SPART: variants seen among roughly 807,000 people sequenced by gnomAD.
The protein encoded by SPART is spartin, also known as spastic paraplegia 20 (Troyer syndrome).
Under a neutral mutation model 58.7 loss-of-function variants are expected in SPART, and 35 were observed. That is an observed-to-expected ratio of 0.60 (90% CI 0.46 to 0.79). The LOEUF (loss-of-function observed/expected upper bound fraction) is 0.79, where lower values mean the gene tolerates loss of function less well. Ranked by LOEUF, SPART falls within the 30% of genes least tolerant of loss-of-function variation. The probability of loss-of-function intolerance (pLI) is 0.00; values close to 1 mark genes in which losing one functional copy is unlikely to be tolerated. For synonymous variants in SPART, 284 were observed against 280.7 expected (o/e 1.01, Z -0.12); for missense variants, 730 against 786.1 (o/e 0.93, Z 0.85).
At chr13:36,333,027 T>C (rs1427253696) in intron 2 of SPART, among the ~76,000 whole-genome samples, 1 of 152,052 alleles carries the variant, frequency 6.6e-6, no homozygotes, top group Non-Finnish European at 1.5e-5. Flanking sequence ...TTTTTCTTTT[T>C]TTTAAACTAT....
upstream of SPART, among the ~76,000 whole-genome samples, chr13:36,347,147 G>GGAA (rs546625374): frequency 6.7e-6 from 1 of 149,282 alleles, no homozygotes; most frequent in Non-Finnish European, 1.5e-5. Flanking sequence ...CTGCCTTAGG[G>GGAA]AAAAAAAAAC....
At chr13:36,332,129 A>AC (rs1265857415) in intron 2 of SPART, among the ~76,000 whole-genome samples, 3 of 152,170 alleles carry the variant, frequency 2.0e-5, no homozygotes, top group African/African-American at 7.2e-5. Context: ...AACAACTAAA[A>AC]AGTGGAGCTT....
At chr13:36,362,775 C>G (rs1885913703) in intron 1 of SPART, among the ~76,000 whole-genome samples, 1 of 136,842 alleles carries the variant, frequency 7.3e-6, no homozygotes, top group South Asian at 2.6e-4. Flanking sequence ...AGAAAGCAGA[C>G]TGTAATGTGG....
intron 1 of SPART, among the ~76,000 whole-genome samples, chr13:36,359,933 A>AAAAC (rs1555266112): frequency 2.6e-5 from 4 of 151,118 alleles, no homozygotes; most frequent in Non-Finnish European, 4.4e-5. Flanking sequence ...TAAAAAAAAA[A>AAAAC]AAAAAAAAAC....
At chr13:36,325,838 A>G (rs1446082743) in intron 5 of SPART, 1 of 152,374 alleles carries the variant, frequency 6.6e-6, no homozygotes, top group African/African-American at 2.4e-5. Flanking sequence ...TTGCTTCCAA[A>G]GATGGATGAA....
intron 4 of SPART, among the ~76,000 whole-genome samples, chr13:36,327,821 C>T (rs532810457): frequency 6.6e-6 from 1 of 152,192 alleles, no homozygotes; most frequent in East Asian, 1.9e-4. Context: ...AACTGAAACC[C>T]CATCTCTACT....
intron 3 of SPART, 97 bp downstream of exon 3, chr13:36,331,302 C>A (rs1883433388): frequency 9.5e-7 from 1 of 1,052,354 alleles, no homozygotes; most frequent in Non-Finnish European, 1.5e-6. Flanking sequence ...AGTCTCCTAA[C>A]CTTGATTACA....
upstream of SPART, chr13:36,346,712 A>AC (rs146524559): frequency 0.35 from 53,450 of 152,268 alleles, 9,981 homozygotes; most frequent in Non-Finnish European, 0.42. Context: ...CCCCGCGCAG[A>AC]CCCCCCCAGG....
intron 8 of SPART, among the ~76,000 whole-genome samples, chr13:36,307,188 T>TTAATTA (rs1880592445): frequency 6.6e-6 from 1 of 152,120 alleles, no homozygotes; most frequent in Non-Finnish European, 1.5e-5. Flanking sequence ...TAATTAGAGC[T>TTAATTA]CATTAAGTCG....
At chr13:36,329,636 T>A (rs567567114) in intron 3 of SPART, 119 bp from the exon 4 acceptor site, 4 of 1,069,508 alleles carry the variant, frequency 3.7e-6, no homozygotes, top group Non-Finnish European at 5.7e-6. Context: ...TGGCAGTCTA[T>A]CAGTAACAAC....
intron 1 of SPART, among the ~76,000 whole-genome samples, chr13:36,358,340 C>T (rs1885701274): frequency 6.6e-6 from 1 of 152,028 alleles, no homozygotes; most frequent in Admixed American, 6.6e-5. Context: ...TTTCGTAAAG[C>T]AATACTAACT....
At chr13:36,306,385 A>G (rs1880510794) in intron 8 of SPART, among the ~76,000 whole-genome samples, 2 of 152,060 alleles carry the variant, frequency 1.3e-5, no homozygotes, top group South Asian at 4.2e-4. Flanking sequence ...CAGCACTGAA[A>G]AACAGTGACC....
intron 8 of SPART, among the ~76,000 whole-genome samples, chr13:36,311,097 G>A (rs1166152275): frequency 6.6e-6 from 1 of 152,292 alleles, no homozygotes; most frequent in Non-Finnish European, 1.5e-5. Flanking sequence ...ACTGGACACA[G>A]GTCAGAAAAG....
intron 5 of SPART, among the ~76,000 whole-genome samples, chr13:36,317,994 G>A (rs2137375878): frequency 6.6e-6 from 1 of 152,234 alleles, no homozygotes; most frequent in East Asian, 1.9e-4. Flanking sequence ...TGTGCCCAGT[G>A]CAACTCGTCC....
intron 5 of SPART, 162 bp from the exon 6 acceptor site, chr13:36,314,583 T>C: frequency 1.4e-6 from 1 of 725,538 alleles, no homozygotes; most frequent in Non-Finnish European, 2.3e-6. Flanking sequence ...CCTGCAGTTT[T>C]CTTCCTGAAT....
upstream of SPART, among the ~76,000 whole-genome samples, chr13:36,347,549 G>A (rs1247132886): frequency 6.6e-6 from 1 of 152,128 alleles, no homozygotes; most frequent in Non-Finnish European, 1.5e-5. Flanking sequence ...CACCGCGCCT[G>A]GCCTTAGGAC....
chr13:36,348,086 G>A (rs1438801911), upstream of SPART, among the ~76,000 whole-genome samples: 1 of 152,080 alleles, frequency 6.6e-6, no homozygotes, highest in East Asian at 1.9e-4. Flanking sequence ...AGGAGTTCGA[G>A]ACCAGCCTGG....
Position 36,301,876 on chromosome 13 carries a change from C to T in SPART, c.*2489G>A, listed in dbSNP as rs1420369514. ...AACAAAAACTAAAAACAAATGTCAA[C>T]TGATAGGAAAATGAACACTTAAATT... On this transcript the variant is annotated 3_prime_UTR_variant, in exon 9 of 9. Transcript: ENST00000438666. The T allele has an allele frequency of 6.6e-6, 1 of 152,080 alleles. No homozygotes were observed. Among genetic ancestry groups the T allele is most frequent in the Admixed American group, 6.6e-5 (1 of 15,264 alleles). 9.4% of individuals were successfully genotyped at this position (152,080 alleles called of 1,614,324 possible).
intron 1 of SPART, among the ~76,000 whole-genome samples, chr13:36,363,902 A>C (rs1236290859): frequency 6.6e-6 from 1 of 152,208 alleles, no homozygotes; most frequent in Non-Finnish European, 1.5e-5. Context: ...ACCATAGTAC[A>C]TTATGAAAAT....
Sources: gnomAD v4.1 joint callset for allele counts (sites outside exome capture counted in the v4.1 genomes callset) on GRCh38, gnomAD v4.1.1 for gene constraint, MANE v1.5 for transcripts, NCBI Gene and HGNC (gene_info 2026-07-23, HGNC 2026-07-21) for gene names.